The following DDX10 variants were observed in gnomAD, a reference collection of about 807,000 sequenced individuals.
DDX10 encodes the protein DEAD-box helicase 10, also known as probable ATP-dependent RNA helicase DDX10.
DDX10 carries 74 observed loss-of-function variants against 104.3 expected under a neutral mutation model. The observed-to-expected ratio is 0.71, with a 90% confidence interval of 0.59 to 0.86. The LOEUF (loss-of-function observed/expected upper bound fraction) is 0.86. Among genes scored for constraint, DDX10 ranks in the 40% least tolerant of loss-of-function variants. DDX10 has a pLI of 0.00. For missense variants in DDX10, 952 were observed against 1,040.0 expected (o/e 0.92, Z 1.16); for synonymous variants, 351 against 353.4 (o/e 0.99, Z 0.08).
At chr11:108,706,690 A>C (rs756879566) in intron 9 of DDX10, 49 bp from the exon 10 acceptor site, 1 of 1,399,484 alleles carries the variant, frequency 7.1e-7, no homozygotes, top group Admixed American at 1.7e-5. Flanking sequence ...TTAAAATGTA[A>C]AATGCAGATT....
chr11:108,841,626 A>G (rs897705420), intron 15 of DDX10, 150 bp downstream of exon 15: 2 of 788,136 alleles, frequency 2.5e-6, no homozygotes, highest in African/African-American at 3.5e-5. Flanking sequence ...TTTTCTGTTT[A>G]TTTGTTCCTT....
chr11:108,912,393 A>T (rs1471577694), intron 16 of DDX10, among the ~76,000 whole-genome samples: 2 of 151,848 alleles, frequency 1.3e-5, no homozygotes, highest in African/African-American at 2.4e-5. Context: ...AATATTTCTC[A>T]TACCGATCCT....
At chr11:108,728,504 C>CTTT (rs71050884) in intron 13 of DDX10, among the ~76,000 whole-genome samples, 2,497 of 121,366 alleles carry the variant, frequency 0.021, 548 homozygotes, top group African/African-American at 0.097. Context: ...CACATTTGTT[C>CTTT]TTTTTTTTTT....
intron 16 of DDX10, among the ~76,000 whole-genome samples, chr11:108,916,639 G>A (rs1052669811): frequency 6.6e-6 from 1 of 152,150 alleles, no homozygotes; most frequent in South Asian, 2.1e-4. Context: ...ATATCATTTG[G>A]TATGAAGAAT....
At chr11:108,683,843 G>C (rs2094238893) in intron 6 of DDX10, among the ~76,000 whole-genome samples, 1 of 152,138 alleles carries the variant, frequency 6.6e-6, no homozygotes, top group Non-Finnish European at 1.5e-5. Flanking sequence ...TGGTTCCCTA[G>C]TATTTTCTGA....
chr11:108,713,446 A>C (rs1243063589), intron 10 of DDX10, among the ~76,000 whole-genome samples: 1 of 151,954 alleles, frequency 6.6e-6, no homozygotes, highest in Non-Finnish European at 1.5e-5. Context: ...CTAGTAATGA[A>C]CCCATCAAAG....
At chr11:108,828,373 G>A (rs1480915254) in intron 13 of DDX10, among the ~76,000 whole-genome samples, 2 of 152,002 alleles carry the variant, frequency 1.3e-5, no homozygotes, top group Admixed American at 1.3e-4. Context: ...TTATAAGTTA[G>A]CTCTCACATA....
chr11:108,770,833 A>G (rs1435021866), intron 13 of DDX10, among the ~76,000 whole-genome samples: 2 of 151,518 alleles, frequency 1.3e-5, no homozygotes, highest in Non-Finnish European at 2.9e-5. Flanking sequence ...GATGTCTCTG[A>G]TATATTTCCT....
intron 13 of DDX10, among the ~76,000 whole-genome samples, chr11:108,756,525 T>A (rs894775747): frequency 1.3e-5 from 2 of 152,068 alleles, no homozygotes; most frequent in Non-Finnish European, 2.9e-5. Flanking sequence ...TCCATGCATT[T>A]GGATTTGTCT....
chr11:108,673,663 C>A, intron 2 of DDX10, 136 bp downstream of exon 2: 1 of 625,480 alleles, frequency 1.6e-6, no homozygotes, highest in Non-Finnish European at 2.8e-6. Flanking sequence ...TGAAAATAAG[C>A]AATATTCAAG....
At chr11:108,724,178 T>C (rs900619147) in intron 13 of DDX10, among the ~76,000 whole-genome samples, 1 of 152,100 alleles carries the variant, frequency 6.6e-6, no homozygotes, top group Admixed American at 6.6e-5. Flanking sequence ...GCTTGATTCT[T>C]ACTCTTTATA....
At chr11:108,836,636 G>A (rs752311226) in intron 13 of DDX10, among the ~76,000 whole-genome samples, 90 of 151,996 alleles carry the variant, frequency 5.9e-4, no homozygotes, top group Non-Finnish European at 1.1e-3. Flanking sequence ...ACAGGGGTGC[G>A]CCACTATGCC....
chr11:108,723,089 A>C lies in DDX10; in HGVS notation c.1592A>C (p.Lys531Thr). Reference sequence around the variant, plus strand: ...GAATTGGTAAGGAGCCAAGCCGATAAAGTAATTGAGCCAAGGGCTCCCTCC... The same window carrying C: ...GAATTGGTAAGGAGCCAAGCCGATACAGTAATTGAGCCAAGGGCTCCCTCC... ...TKELVRSQAD[K>T]VIEPRAPSLT... The change falls in exon 13 of 18, where the codon AAA (lysine) becomes ACA (threonine). Residue 531 changes from lysine to threonine, a missense_variant. Lys to Thr is a moderately conservative substitution (Grantham distance 78). Transcript: ENST00000322536. 1.2e-6 allele frequency: 2 copies of C among 1,613,906 alleles called. No homozygotes were observed. The highest frequency in any genetic ancestry group is 1.7e-6 in the Non-Finnish European group (2 of 1,179,874).
At chr11:108,909,963 G>A (rs1040813180) in intron 16 of DDX10, among the ~76,000 whole-genome samples, 1 of 152,056 alleles carries the variant, frequency 6.6e-6, no homozygotes, top group Non-Finnish European at 1.5e-5. Flanking sequence ...ATTATCACAT[G>A]TGAGATTTGA....
intron 16 of DDX10, among the ~76,000 whole-genome samples, chr11:108,862,904 T>C (rs1862959523): frequency 6.6e-6 from 1 of 152,204 alleles, no homozygotes; most frequent in South Asian, 2.1e-4. Context: ...GTGATCATTA[T>C]ATGTGACTAC....
chr11:108,865,210 G>C (rs1342719625), intron 16 of DDX10, among the ~76,000 whole-genome samples: 2 of 152,030 alleles, frequency 1.3e-5, no homozygotes, highest in Non-Finnish European at 2.9e-5. Context: ...TGACTTAGAG[G>C]GTCCGACAGC....
intron 16 of DDX10, among the ~76,000 whole-genome samples, chr11:108,872,371 A>G (rs565268459): frequency 6.6e-6 from 1 of 152,340 alleles, no homozygotes; most frequent in Admixed American, 6.5e-5. Context: ...TGGCTATTTC[A>G]GAGAAAAGCA....
In DDX10 at chr11:108,779,536, G is replaced by C. The variant is rs574689546; in HGVS notation, c.1965+56074G>C. 1.2e-4 allele frequency among the ~76,000 whole-genome samples: 19 copies of C among 152,108 alleles called. No individual in the cohort carries two copies. The South Asian group carries it at 3.7e-3, about 30-fold the overall frequency. On this transcript the variant is annotated intron_variant, in intron 13 of 17. Coordinates refer to ENST00000322536, the MANE Select transcript of DDX10 (RefSeq NM_004398.4). The stretch of plus-strand genomic sequence containing the variant: ...GAACATCACACACTGGGGCCTGCCG[G>C]GGGTGGTGGGAGGGGGAAGGATAGC...
At chr11:108,872,820 TCC>T (rs33959241) in intron 16 of DDX10, among the ~76,000 whole-genome samples, 3 of 145,218 alleles carry the variant, frequency 2.1e-5, no homozygotes, top group African/African-American at 7.4e-5. Flanking sequence ...TAATTTCCGT[TCC>T]CCCCCCCTCC....
Sources: allele counts gnomAD v4.1 joint callset (sites outside exome capture counted in the v4.1 genomes callset), GRCh38; gene constraint gnomAD v4.1.1; transcripts MANE v1.5; gene names NCBI Gene and HGNC (gene_info 2026-07-23, HGNC 2026-07-21).